Variants in CAGE1 observed in about 807,000 individuals in gnomAD.
CAGE1 encodes the protein cancer antigen 1.
Under a neutral mutation model 94.9 loss-of-function variants are expected in CAGE1, and 66 were observed. The observed-to-expected ratio is 0.70, with a 90% confidence interval of 0.57 to 0.85. The LOEUF (loss-of-function observed/expected upper bound fraction) is 0.85, where lower values mean the gene tolerates loss of function less well. CAGE1 is among the 40% of genes least tolerant of loss of function. CAGE1 has a pLI of 0.00. For synonymous variants in CAGE1, 319 were observed against 321.0 expected (o/e 0.99, Z 0.07); for missense variants, 865 against 950.4 (o/e 0.91, Z 1.18).
At chr6:7,358,037 T>TATATATATATATATATATATATAA (rs1760029709) in intron 9 of CAGE1, among the ~76,000 whole-genome samples, 1 of 48,830 alleles carries the variant, frequency 2.0e-5, no homozygotes, top group Non-Finnish European at 3.9e-5. Context: ...GATATATATA[T>TATATATATATATATATATATATAA]ATATATATAT....
intron 7 of CAGE1, among the ~76,000 whole-genome samples, chr6:7,366,195 G>A (rs1284132620): frequency 3.4e-5 from 5 of 147,964 alleles, no homozygotes; most frequent in African/African-American, 7.6e-5. Flanking sequence ...GCAGTGAGCC[G>A]AGATGGCGCC....
chr6:7,356,216 C>A, intron 9 of CAGE1, 87 bp from the exon 10 acceptor site: 1 of 723,904 alleles, frequency 1.4e-6, no homozygotes, highest in South Asian at 1.6e-5. Flanking sequence ...GAAAACTGAG[C>A]AATACTTTAT....
chr6:7,389,287 A>C lies in CAGE1; in HGVS notation c.-109T>G, dbSNP rs775013178. 2.2e-6 allele frequency: 1 copy of C among 456,186 alleles called. No homozygotes were observed. The highest frequency in any genetic ancestry group is 2.0e-5 in the African/African-American group (1 of 50,082). The allele number at this position is 456,186 out of a possible 1,614,324, so 28.3% of individuals were successfully genotyped here. A position where few individuals can be genotyped will look rare whatever the true frequency, so the allele number is the denominator to read the frequency against. On this transcript the variant is annotated 5_prime_UTR_variant, in exon 1 of 14. Coordinates refer to ENST00000502583, the MANE Select transcript of CAGE1 (RefSeq NM_001170692.2). ...AAGACACAAAAGTGTGCTCACTTCC[A>C]GGATCCATAGTTTCTTGGACCCACG... is the stretch of plus-strand genomic sequence containing the variant.
chr6:7,332,191 T>C (rs1420774750), intron 12 of CAGE1, among the ~76,000 whole-genome samples: 1 of 152,160 alleles, frequency 6.6e-6, no homozygotes, highest in Non-Finnish European at 1.5e-5. Flanking sequence ...TCTCCATTTG[T>C]AGGAGGAGAG....
intron 3 of CAGE1, among the ~76,000 whole-genome samples, 152 bp downstream of exon 3, chr6:7,385,633 T>A (rs1761094611): frequency 6.8e-6 from 1 of 148,094 alleles, no homozygotes; most frequent in African/African-American, 2.5e-5. Context: ...TTACTTCAAT[T>A]TTTTAAAATT....
intron 9 of CAGE1, among the ~76,000 whole-genome samples, chr6:7,358,965 C>G (rs974170797): frequency 6.6e-6 from 1 of 152,226 alleles, no homozygotes; most frequent in African/African-American, 2.4e-5. Context: ...GCTCCACATT[C>G]TCTCCAAGCC....
intron 11 of CAGE1, among the ~76,000 whole-genome samples, chr6:7,351,684 T>C (rs1244174161): frequency 1.3e-5 from 2 of 151,934 alleles, no homozygotes; most frequent in Non-Finnish European, 2.9e-5. Flanking sequence ...TAATCCACTA[T>C]GATCAACTGG....
Position 7,338,442 on chromosome 6 carries a change from C to T in CAGE1, c.2370-4352G>A, listed in dbSNP as rs116129415. Among the ~76,000 whole-genome samples the T allele has an allele frequency of 7.3e-3, 1,117 of 152,214 alleles. 16 individuals are homozygous for T. The highest frequency in any genetic ancestry group is 0.025 in the African/African-American group (1,038 of 41,536). ...TCTTTTCCTAGGTTGTTTAGGTTTTCTCATGAAGAATGATGTTGGATTTTG... is the reference window on the plus strand; with the variant it reads ...TCTTTTCCTAGGTTGTTTAGGTTTTTTCATGAAGAATGATGTTGGATTTTG... On this transcript the variant is annotated intron_variant, in intron 11 of 13. Coordinates refer to ENST00000502583, the MANE Select transcript of CAGE1 (RefSeq NM_001170692.2).
chr6:7,348,682 A>C (rs1437897663), intron 11 of CAGE1, among the ~76,000 whole-genome samples: 3 of 152,296 alleles, frequency 2.0e-5, no homozygotes, highest in South Asian at 2.1e-4. Context: ...AAAGAAGTGA[A>C]GGGAGAAATA....
In CAGE1 at chr6:7,365,506, C is replaced by T. The variant is rs752069157; in HGVS notation, c.2155G>A (p.Asp719Asn). 5 of 1,613,486 alleles carry T rather than the reference C, an allele frequency of 3.1e-6. No individual in the cohort carries two copies. The East Asian group carries it at 1.1e-4, about 36-fold the overall frequency. Residue 719 changes from aspartate to asparagine, a missense_variant, in exon 9 of 14, where the codon GAT (aspartate) becomes AAT (asparagine). Transcript: ENST00000502583. ...DVPTLLGAKL[D>N]KYHSLNEELD... ...TCCTCATTTAGACTGTGGTACTTAT[C>T]CAGTTTGGCTCCCAGAAGGGTAGGT...
rs1761274138 is a variant in CAGE1 at position 7,389,742 on chromosome 6, C to G, written c.-564G>C. ...ATACAGCGCGCCATCCAGAGAGCTC[C>G]GGACTCCCAGCTCGGCGCAGGGGCG... is the stretch of plus-strand genomic sequence containing the variant. On this transcript the variant is annotated 5_prime_UTR_variant, in exon 1 of 14. Coordinates refer to ENST00000502583, the MANE Select transcript of CAGE1 (RefSeq NM_001170692.2). 3 of 572,752 alleles carry G rather than the reference C, an allele frequency of 5.2e-6. No homozygotes were observed. In the South Asian group the frequency reaches 6.2e-5, roughly 12 times the overall value. 35.5% of individuals were successfully genotyped at this position (572,752 alleles called of 1,614,324 possible).
At chr6:7,334,862 T>C (rs1374517524) in intron 11 of CAGE1, among the ~76,000 whole-genome samples, 3 of 151,198 alleles carry the variant, frequency 2.0e-5, no homozygotes, top group Non-Finnish European at 4.4e-5. Context: ...TCCAGAGAGG[T>C]TGTATGAGCT....
intron 11 of CAGE1, among the ~76,000 whole-genome samples, chr6:7,344,455 A>AG (rs1300639407): frequency 7.2e-5 from 11 of 152,182 alleles, no homozygotes; most frequent in African/African-American, 2.7e-4. Flanking sequence ...GCCTTCCCGC[A>AG]GGGCAGGATT....
intron 11 of CAGE1, among the ~76,000 whole-genome samples, chr6:7,344,277 G>A (rs1353358071): frequency 6.6e-6 from 1 of 152,218 alleles, no homozygotes; most frequent in Admixed American, 6.5e-5. Flanking sequence ...CTGGAGTTCC[G>A]GGTAGGCGTG....
chr6:7,345,254 A>G (rs1029325298), intron 11 of CAGE1, among the ~76,000 whole-genome samples: 4 of 152,206 alleles, frequency 2.6e-5, no homozygotes, highest in Non-Finnish European at 5.9e-5. Flanking sequence ...GAACAACTCC[A>G]GACACGCTAC....
chr6:7,358,070 A>ATATATATATATATATATATATATATATT (rs1321838889), intron 9 of CAGE1, among the ~76,000 whole-genome samples: 1 of 120,898 alleles, frequency 8.3e-6, no homozygotes. Flanking sequence ...ATATATATAT[A>ATATATATATATATATATATATATATATT]TGCCTCCAAA....
intron 11 of CAGE1, among the ~76,000 whole-genome samples, chr6:7,337,049 A>C (rs1158983859): frequency 6.6e-6 from 1 of 151,948 alleles, no homozygotes; most frequent in Non-Finnish European, 1.5e-5. Flanking sequence ...TAGGCTGGGC[A>C]AGGTGGCTCA....
At chr6:7,349,304 C>T (rs1759682471) in intron 11 of CAGE1, among the ~76,000 whole-genome samples, 1 of 152,096 alleles carries the variant, frequency 6.6e-6, no homozygotes, top group African/African-American at 2.4e-5. Flanking sequence ...TGTATGTAGC[C>T]AAACTAAGCA....
intron 4 of CAGE1, among the ~76,000 whole-genome samples, chr6:7,374,786 T>G (rs891397295): frequency 2.0e-5 from 3 of 152,064 alleles, no homozygotes; most frequent in African/African-American, 7.2e-5. Context: ...TCCCAGCACT[T>G]TGGGAGACTG....
Sources: allele counts gnomAD v4.1 joint callset (sites outside exome capture counted in the v4.1 genomes callset), GRCh38; gene constraint gnomAD v4.1.1; transcripts MANE v1.5; gene names NCBI Gene and HGNC (gene_info 2026-07-23, HGNC 2026-07-21).